ATE1: variants seen among roughly 807,000 people sequenced by gnomAD.
ATE1 encodes arginyl-tRNA--protein transferase 1.
Under a neutral mutation model 70.5 loss-of-function variants are expected in ATE1, and 36 were observed. The observed-to-expected ratio is 0.51, with a 90% CI of 0.39 to 0.67. The LOEUF is 0.67. Among genes scored for constraint, ATE1 ranks in the 30% least tolerant of loss-of-function variants. ATE1 has a pLI of 0.00. For synonymous variants in ATE1, 232 were observed against 219.3 expected (o/e 1.06, Z -0.51); for missense variants, 593 against 629.5 (o/e 0.94, Z 0.62).
rs778828743 is a variant in ATE1 at position 121,899,947 on chromosome 10, T to C, written c.861A>G (p.Thr287=). 6.2e-7 allele frequency: 1 copy of C among 1,614,018 alleles called. No homozygotes were observed. Among genetic ancestry groups the C allele is most frequent in the Non-Finnish European group, 8.5e-7 (1 of 1,179,932 alleles). ...SSPPSSQFKA[T]LLESYQVYKR... ...TATAGACCTGGTAAGACTCCAGAAG[T>C]GTGGCTTTGAACTGCGAACTTGGTG... Residue 287 remains threonine, a synonymous_variant, in exon 7 of 12, where the codon ACA becomes ACG. Transcript: ENST00000224652.
At chr10:121,857,287 C>T (rs1949282912) in intron 8 of ATE1, among the ~76,000 whole-genome samples, 1 of 152,154 alleles carries the variant, frequency 6.6e-6, no homozygotes, top group Admixed American at 6.5e-5. Flanking sequence ...TTATCATAGC[C>T]TCCACTGTCT....
intron 6 of ATE1, 72 bp from the exon 7 acceptor site, chr10:121,900,066 G>A (rs1474218812): frequency 1.3e-6 from 2 of 1,491,900 alleles, no homozygotes; most frequent in Middle Eastern, 1.8e-4. Flanking sequence ...TGCATTAAGA[G>A]TAACTCCCAT....
chr10:121,818,056 G>T (rs887622767), intron 10 of ATE1, among the ~76,000 whole-genome samples: 2 of 151,896 alleles, frequency 1.3e-5, no homozygotes, highest in African/African-American at 4.8e-5. Context: ...CTGAGCTCAG[G>T]AATTCAAGAC....
At chr10:121,858,214 T>C (rs995581167) in intron 8 of ATE1, among the ~76,000 whole-genome samples, 2 of 152,206 alleles carry the variant, frequency 1.3e-5, no homozygotes, top group African/African-American at 2.4e-5. Context: ...CCAGATGACA[T>C]GGTAATTCTA....
intron 10 of ATE1, 36 bp downstream of exon 10, chr10:121,836,682 A>G (rs145909013): frequency 1.5e-6 from 2 of 1,301,736 alleles, no homozygotes; most frequent in Non-Finnish European, 2.1e-6. Context: ...TCATTTTTCT[A>G]TAATAAAAAT....
At position 121,871,025 on chromosome 10, in the gene ATE1, G is replaced by A. The variant is rs564240855; in HGVS notation, c.943-987C>T. Among the ~76,000 whole-genome samples the A allele has an allele frequency of 2.4e-4, 36 of 152,218 alleles. No homozygotes were observed. In the South Asian group the frequency reaches 3.5e-3, roughly 15 times the overall value. ...CCTCCCCACAACAAAGCTAGTACTC[G>A]CAGGGAATACAAATAACTTGTATTC... On this transcript the variant is annotated intron_variant, in intron 7 of 11. Transcript: ENST00000224652.
At chr10:121,819,679 CAAAAAAAAAAA>C (rs57035123) in intron 10 of ATE1, among the ~76,000 whole-genome samples, 2 of 52,722 alleles carry the variant, frequency 3.8e-5, no homozygotes, top group Admixed American at 3.2e-4. Context: ...AAGACTGTCT[CAAAAAAAAAAA>C]AAAAAAAAAA....
chr10:121,769,246 G>T (rs375191037), intron 11 of ATE1, among the ~76,000 whole-genome samples: 1 of 152,278 alleles, frequency 6.6e-6, no homozygotes. Context: ...CCCCACACAA[G>T]TATGGCCAAC....
At chr10:121,790,410 T>C in intron 10 of ATE1, 121 bp from the exon 11 acceptor site, 3 of 1,241,074 alleles carry the variant, frequency 2.4e-6, no homozygotes, top group Non-Finnish European at 3.2e-6. Context: ...GAAACTGTTT[T>C]ACTGTAAATA....
At chr10:121,901,961 T>C (rs753517735) in intron 6 of ATE1, among the ~76,000 whole-genome samples, 2 of 152,342 alleles carry the variant, frequency 1.3e-5, no homozygotes, top group Non-Finnish European at 2.9e-5. Context: ...CTTATGTATA[T>C]GACACCATTT....
chr10:121,893,330 T>C lies in ATE1; in HGVS notation c.942+6536A>G, dbSNP rs571706717. On this transcript the variant is annotated intron_variant, in intron 7 of 11. Coordinates refer to ENST00000224652, the MANE Select transcript of ATE1 (RefSeq NM_001001976.3). The stretch of plus-strand genomic sequence containing the variant: ...AAACGTTATGTAGATAATTGTACCA[T>C]TGGGACAATAACATGGAGAAAATTA... Among the ~76,000 whole-genome samples the C allele has an allele frequency of 4.7e-5, 7 of 150,478 alleles. No homozygotes were observed. In the East Asian group the frequency reaches 5.8e-4, roughly 13 times the overall value.
chr10:121,745,455 G>A (rs558323198), intron 11 of ATE1, among the ~76,000 whole-genome samples: 7 of 152,260 alleles, frequency 4.6e-5, no homozygotes, highest in East Asian at 1.9e-4. Flanking sequence ...AGTGGCTCAC[G>A]CCTGTAATCC....
chr10:121,751,696 G>C (rs1194704671), intron 11 of ATE1, among the ~76,000 whole-genome samples: 1 of 151,922 alleles, frequency 6.6e-6, no homozygotes, highest in Non-Finnish European at 1.5e-5. Context: ...ACATATTCTG[G>C]TTACTAGATC....
intron 1 of ATE1, among the ~76,000 whole-genome samples, 172 bp downstream of exon 1, chr10:121,927,672 C>T (rs1463269624): frequency 6.6e-6 from 1 of 152,194 alleles, no homozygotes; most frequent in Admixed American, 6.5e-5. Flanking sequence ...GAACAGGCAC[C>T]GCGAAGCTGC....
intron 6 of ATE1, among the ~76,000 whole-genome samples, chr10:121,901,032 C>T (rs888441047): frequency 2.0e-5 from 3 of 152,042 alleles, no homozygotes; most frequent in African/African-American, 7.2e-5. Flanking sequence ...TTTGGGAGGC[C>T]GAGGCGGGTG....
chr10:121,921,087 A>G (rs1275001991), intron 3 of ATE1, among the ~76,000 whole-genome samples: 2 of 148,350 alleles, frequency 1.3e-5, no homozygotes. Flanking sequence ...TTCAACTTTT[A>G]TTTTAGATTC....
chr10:121,871,609 AC>A (rs1458824001), intron 7 of ATE1, among the ~76,000 whole-genome samples: 4 of 152,206 alleles, frequency 2.6e-5, no homozygotes, highest in Non-Finnish European at 5.9e-5. Flanking sequence ...ACATACTCCC[AC>A]CAAAAACACT....
chr10:121,868,928 T>C (rs541788805), intron 8 of ATE1, among the ~76,000 whole-genome samples: 2 of 152,286 alleles, frequency 1.3e-5, no homozygotes, highest in East Asian at 3.9e-4. Context: ...CAAAATGTTA[T>C]AAAAGCAGAA....
chr10:121,786,480 G>A (rs77869129), intron 11 of ATE1, among the ~76,000 whole-genome samples: 4 of 151,974 alleles, frequency 2.6e-5, no homozygotes, highest in Non-Finnish European at 4.4e-5. Context: ...ACAAGCCTAC[G>A]CAACGTAGCA....
Sources: gnomAD v4.1 joint callset for allele counts (sites outside exome capture counted in the v4.1 genomes callset) on GRCh38, gnomAD v4.1.1 for gene constraint, MANE v1.5 for transcripts, NCBI Gene and HGNC (gene_info 2026-07-23, HGNC 2026-07-21) for gene names.